The following FXYD5 variants were observed in gnomAD, a reference collection of about 807,000 sequenced individuals.
FXYD5 encodes the protein FXYD domain-containing ion transport regulator 5.
FXYD5 carries 21 observed loss-of-function variants against 25.7 expected under a neutral mutation model. The ratio of observed to expected loss-of-function variants is 0.82; its 90% CI spans 0.58 to 1.18. The LOEUF is 1.18. Among genes scored for constraint, FXYD5 ranks in the 50% most tolerant of loss-of-function variants. The pLI is 0.00. For missense variants in FXYD5, 229 were observed against 227.7 expected, an observed-to-expected ratio of 1.01 and a Z score of -0.04; for synonymous variants, 101 against 90.7, an observed-to-expected ratio of 1.11 and a Z score of -0.64.
intron 1 of FXYD5, chr19:35,155,314 T>G (rs1306649033): frequency 1.7e-6 from 1 of 587,048 alleles, no homozygotes; most frequent in East Asian, 2.8e-5. Context: ...GACCCATTTA[T>G]CTCATGCTTC....
chr19:35,169,498 G>T, intron 8 of FXYD5, 68 bp from the exon 9 acceptor site: 1 of 1,201,112 alleles, frequency 8.3e-7, no homozygotes, highest in Non-Finnish European at 1.2e-6. Flanking sequence ...TGGTTCCCCA[G>T]CCCCACAACA....
intron 5 of FXYD5, among the ~76,000 whole-genome samples, chr19:35,162,417 C>T (rs565517513): frequency 6.6e-6 from 1 of 152,278 alleles, no homozygotes; most frequent in East Asian, 1.9e-4. Context: ...AATAGGAATT[C>T]ATTTCTCCCG....
At chr19:35,164,124 C>G (rs778066993) in intron 5 of FXYD5, 32 bp from the exon 6 acceptor site, 2 of 1,613,798 alleles carry the variant, frequency 1.2e-6, no homozygotes, top group Non-Finnish European at 1.7e-6. Context: ...ATGGCTCACT[C>G]CTGCCCTCCA....
intron 2 of FXYD5, among the ~76,000 whole-genome samples, chr19:35,156,472 C>T (rs889142294): frequency 2.0e-5 from 3 of 152,096 alleles, no homozygotes; most frequent in Admixed American, 6.5e-5. Flanking sequence ...GGAGGTGATA[C>T]GTGCTTGCAG....
intron 2 of FXYD5, among the ~76,000 whole-genome samples, chr19:35,156,224 G>A (rs2065354404): frequency 6.6e-6 from 1 of 152,204 alleles, no homozygotes; most frequent in Non-Finnish European, 1.5e-5. Context: ...ATGGGTGGAG[G>A]AGCTGAGAAA....
intron 5 of FXYD5, 139 bp from the exon 6 acceptor site, chr19:35,164,017 A>C (rs1252905781): frequency 5.9e-6 from 9 of 1,529,576 alleles, no homozygotes; most frequent in Non-Finnish European, 7.9e-6. Context: ...GGTGTGGAGT[A>C]GGGGGGATGC....
At chr19:35,158,499 C>A in intron 4 of FXYD5, 99 bp downstream of exon 4, 1 of 764,144 alleles carries the variant, frequency 1.3e-6, no homozygotes, top group Non-Finnish European at 2.4e-6. Flanking sequence ...CATTTCAGTC[C>A]CTACTCCCAG....
chr19:35,160,172 G>A (rs1324555601), intron 4 of FXYD5, among the ~76,000 whole-genome samples: 1 of 152,202 alleles, frequency 6.6e-6, no homozygotes, highest in Non-Finnish European at 1.5e-5. Context: ...TTGCACCACT[G>A]CACTCCAGCT....
chr19:35,163,080 G>A (rs1260315494), intron 5 of FXYD5, among the ~76,000 whole-genome samples: 1 of 152,222 alleles, frequency 6.6e-6, no homozygotes, highest in Non-Finnish European at 1.5e-5. Context: ...AGGCAATACA[G>A]CCAAGAGTGG....
In FXYD5 at chr19:35,166,178, T is replaced by C. The variant is rs1433433230; in HGVS notation, c.412+7T>C. The stretch of plus-strand genomic sequence containing the variant: ...GATGACCCCTTCTTCTATGGTAAGT[T>C]ATCCACAGGAAGATGTGGGGGAAGG... On this transcript the variant is annotated splice_region_variant and intron_variant, in intron 7 of 8. Coordinates refer to ENST00000392219, the MANE Select transcript of FXYD5 (RefSeq NM_014164.6). 6.2e-7 allele frequency: 1 copy of C among 1,613,606 alleles called. No individual in the cohort carries two copies. Among genetic ancestry groups the C allele is most frequent in the African/African-American group, 1.3e-5 (1 of 74,906 alleles).
rs1273615103 is a variant in FXYD5 at position 35,169,472 on chromosome 19, G to C, written c.488-94G>C. ...GAGTTGCCTTTGAGTTTCCCGAGGG[G>C]CAGGGTTGATCAATCTGGTTCCCCA... On this transcript the variant is annotated intron_variant, in intron 8 of 8. Transcript: ENST00000392219. 5.4e-6 allele frequency: 5 copies of C among 932,776 alleles called. No individual in the cohort carries two copies. The East Asian group carries it at 1.2e-4, about 22-fold the overall frequency. 57.8% of individuals were successfully genotyped at this position (932,776 alleles called of 1,614,324 possible).
At position 35,168,063 on chromosome 19, in the gene FXYD5, A is replaced by AT. The variant is rs989707865; in HGVS notation, c.488-1495dup. Among the ~76,000 whole-genome samples the AT allele has an allele frequency of 4.1e-5, 6 of 147,070 alleles. No homozygotes were observed. In the East Asian group the frequency reaches 6.2e-4, roughly 15 times the overall value. On this transcript the variant is annotated intron_variant, in intron 8 of 8. Coordinates refer to ENST00000392219, the MANE Select transcript of FXYD5 (RefSeq NM_014164.6). ...GCAAGACCCTATCTCTACACAAATA[A>AT]TTTTTTTTACTTAAAAAAAAAAAAG...
At chr19:35,168,274 G>A (rs2065468415) in intron 8 of FXYD5, among the ~76,000 whole-genome samples, 2 of 152,132 alleles carry the variant, frequency 1.3e-5, no homozygotes, top group African/African-American at 4.8e-5. Flanking sequence ...CTCACATCTG[G>A]TCGAAGATGA....
At chr19:35,158,435 C>T (rs777699089) in intron 4 of FXYD5, 35 bp downstream of exon 4, 4 of 1,294,268 alleles carry the variant, frequency 3.1e-6, no homozygotes, top group Non-Finnish European at 4.5e-6. Context: ...GGGGACAGGA[C>T]CAAGACAAAC....
At chr19:35,158,220 A>T in intron 3 of FXYD5, 124 bp from the exon 4 acceptor site, 1 of 707,802 alleles carries the variant, frequency 1.4e-6, no homozygotes, top group Non-Finnish European at 2.6e-6. Flanking sequence ...TGGATTAATT[A>T]AGCCATTTCT....
intron 4 of FXYD5, 114 bp from the exon 5 acceptor site, chr19:35,160,595 C>G: frequency 1.4e-6 from 1 of 721,032 alleles, no homozygotes. Context: ...ATCTGCCCGC[C>G]TCGGCCTCCC....
chr19:35,161,221 A>ACACAC (rs2065401864), intron 5 of FXYD5, among the ~76,000 whole-genome samples: 1 of 38,202 alleles, frequency 2.6e-5, no homozygotes, highest in African/African-American at 1.1e-4. Context: ...ATTCACCTTA[A>ACACAC]ACACACACAC....
At chr19:35,159,561 T>C (rs2065386648) in intron 4 of FXYD5, 2 of 1,550,504 alleles carry the variant, frequency 1.3e-6, no homozygotes, top group Non-Finnish European at 1.7e-6. Context: ...TTGATGAACA[T>C]GTTGGCTGTT....
At chr19:35,158,211 G>T in intron 3 of FXYD5, 133 bp from the exon 4 acceptor site, 1 of 682,604 alleles carries the variant, frequency 1.5e-6, no homozygotes, top group Middle Eastern at 2.4e-4. Context: ...GCAAATGGCT[G>T]GATTAATTAA....
Sources: allele counts gnomAD v4.1 joint callset (sites outside exome capture counted in the v4.1 genomes callset), GRCh38; gene constraint gnomAD v4.1.1; transcripts MANE v1.5; gene names NCBI Gene and HGNC (gene_info 2026-07-23, HGNC 2026-07-21).